The following THSD7B variants were observed in gnomAD, a reference collection of about 807,000 sequenced individuals.
THSD7B encodes the protein thrombospondin type-1 domain-containing protein 7B.
In THSD7B, 138 loss-of-function variants were observed where a neutral mutation model predicts 213.6. The observed-to-expected ratio is 0.65, with a 90% CI of 0.56 to 0.74. The LOEUF is 0.74. THSD7B is among the 30% of genes least tolerant of loss of function. The probability of loss-of-function intolerance (pLI) is 0.00; values close to 1 mark genes in which losing one functional copy is unlikely to be tolerated. For synonymous variants in THSD7B, 742 were observed against 687.0 expected (o/e 1.08, Z -1.25); for missense variants, 1,931 against 1,991.5 (o/e 0.97, Z 0.58).
At chr2:137,072,176 G>A (rs1228933795) in intron 3 of THSD7B, among the ~76,000 whole-genome samples, 2 of 152,114 alleles carry the variant, frequency 1.3e-5, no homozygotes, top group Non-Finnish European at 2.9e-5. Flanking sequence ...GGATGGCATT[G>A]AATCTATAAA....
intron 15 of THSD7B, among the ~76,000 whole-genome samples, chr2:137,469,084 A>AT (rs988422804): frequency 1.5e-4 from 23 of 152,262 alleles, no homozygotes; most frequent in Admixed American, 1.2e-3. Context: ...AAAATAGAAC[A>AT]TTTACTGGTT....
intron 15 of THSD7B, among the ~76,000 whole-genome samples, chr2:137,497,005 CA>C (rs1188931708): frequency 1.3e-5 from 2 of 152,064 alleles, no homozygotes; most frequent in African/African-American, 2.4e-5. Context: ...TTCTATTCTG[CA>C]GAGAATAGTC....
intron 2 of THSD7B, among the ~76,000 whole-genome samples, chr2:136,929,829 C>T (rs1196105579): frequency 6.6e-6 from 1 of 152,126 alleles, no homozygotes; most frequent in African/African-American, 2.4e-5. Flanking sequence ...GTTTCTGACT[C>T]CTGTGTCGCA....
chr2:137,514,206 G>GT (rs1297636725), intron 15 of THSD7B, among the ~76,000 whole-genome samples: 2 of 152,192 alleles, frequency 1.3e-5, no homozygotes, highest in Non-Finnish European at 2.9e-5. Flanking sequence ...GTTCCTGGGT[G>GT]TATCTGTGAG....
In THSD7B at chr2:137,338,513, A is replaced by G. The variant is rs867199240; in HGVS notation, c.2500+62487A>G. On this transcript the variant is annotated intron_variant, in intron 12 of 27. Coordinates refer to ENST00000409968, the MANE Select transcript of THSD7B (RefSeq NM_001316349.2). ...TAAAACATATACCTAGTGTTGATTT[A>G]CATCCGTTTAATTTTAATGCTACTT... Among the ~76,000 whole-genome samples the G allele has an allele frequency of 2.4e-4, 36 of 152,210 alleles. 1 individual carries two copies. The Middle Eastern group carries it at 0.02, about 86-fold the overall frequency.
chr2:137,203,996 A>G lies in THSD7B; in HGVS notation c.1724-27048A>G, dbSNP rs193226680. ...ATGAGTATGTGAAAGAAATATATCC[A>G]TAGACAATCTCAAGGGAAAAGGAAT... On this transcript the variant is annotated intron_variant, in intron 7 of 27. Transcript: ENST00000409968. Among the ~76,000 whole-genome samples the G allele has an allele frequency of 3.3e-3, 501 of 152,200 alleles. 3 individuals are homozygous for G. Among genetic ancestry groups the G allele is most frequent in the African/African-American group, 0.011 (465 of 41,542 alleles).
intron 2 of THSD7B, among the ~76,000 whole-genome samples, chr2:136,988,120 G>C (rs980316103): frequency 6.6e-6 from 1 of 152,164 alleles, no homozygotes; most frequent in African/African-American, 2.4e-5. Flanking sequence ...CGTCTCCCCA[G>C]TGAGATTCTT....
intron 15 of THSD7B, among the ~76,000 whole-genome samples, chr2:137,477,091 C>T (rs914019020): frequency 2.6e-5 from 4 of 152,168 alleles, no homozygotes; most frequent in Admixed American, 6.6e-5. Context: ...CAGAAGATCT[C>T]TCTAATACTG....
chr2:137,458,050 A>C (rs1371263134), intron 15 of THSD7B, among the ~76,000 whole-genome samples: 1 of 142,106 alleles, frequency 7.0e-6, no homozygotes, highest in East Asian at 2.0e-4. Context: ...TAGGAAAAAA[A>C]CAAAAAAAAA....
chr2:137,334,348 C>A (rs1435017753), intron 12 of THSD7B, among the ~76,000 whole-genome samples: 1 of 152,166 alleles, frequency 6.6e-6, no homozygotes, highest in Non-Finnish European at 1.5e-5. Flanking sequence ...TCAGCATGAA[C>A]TCCACAGGAG....
chr2:137,510,274 A>G (rs1419425834), intron 15 of THSD7B, among the ~76,000 whole-genome samples: 1 of 152,074 alleles, frequency 6.6e-6, no homozygotes, highest in Non-Finnish European at 1.5e-5. Flanking sequence ...TATTTTTTAA[A>G]AGTGATTGCT....
At chr2:137,191,424 A>G (rs1648092572) in intron 7 of THSD7B, among the ~76,000 whole-genome samples, 1 of 152,012 alleles carries the variant, frequency 6.6e-6, no homozygotes, top group African/African-American at 2.4e-5. Context: ...GGAACAAAGT[A>G]TGGGGCTTAA....
intron 1 of THSD7B, among the ~76,000 whole-genome samples, chr2:136,799,811 G>T (rs1292023918): frequency 6.6e-6 from 1 of 151,692 alleles, no homozygotes; most frequent in Non-Finnish European, 1.5e-5. Context: ...ATTCTTAAAC[G>T]CCCATTCTTA....
chr2:137,203,580 A>C (rs530502048), intron 7 of THSD7B, among the ~76,000 whole-genome samples: 44 of 152,070 alleles, frequency 2.9e-4, no homozygotes, highest in African/African-American at 9.2e-4. Flanking sequence ...AGGAAAAAAA[A>C]CCTTTTTTTA....
At chr2:137,630,136 G>A (rs569995332) in intron 20 of THSD7B, among the ~76,000 whole-genome samples, 2 of 152,178 alleles carry the variant, frequency 1.3e-5, no homozygotes, top group African/African-American at 4.8e-5. Flanking sequence ...TGGGACTACA[G>A]GCACATGCCA....
At chr2:137,623,835 A>G (rs958026413) in intron 20 of THSD7B, among the ~76,000 whole-genome samples, 4 of 152,214 alleles carry the variant, frequency 2.6e-5, no homozygotes, top group African/African-American at 7.2e-5. Flanking sequence ...AAAGAGATAC[A>G]AACAAATGGA....
chr2:136,813,453 T>C (rs954454264), intron 1 of THSD7B, among the ~76,000 whole-genome samples: 5 of 152,184 alleles, frequency 3.3e-5, no homozygotes, highest in Non-Finnish European at 7.3e-5. Flanking sequence ...CTCTTCGAGA[T>C]GACTTAAACG....
chr2:136,839,570 T>C (rs1034635353), intron 1 of THSD7B, among the ~76,000 whole-genome samples: 4 of 152,196 alleles, frequency 2.6e-5, no homozygotes, highest in African/African-American at 7.2e-5. Flanking sequence ...GAGTCTGGCA[T>C]TGACCTTCTT....
intron 12 of THSD7B, among the ~76,000 whole-genome samples, chr2:137,391,152 G>A (rs1433491831): frequency 6.6e-6 from 1 of 152,056 alleles, no homozygotes; most frequent in Non-Finnish European, 1.5e-5. Context: ...TTATTGGTCG[G>A]TTCAGGATTT....
Sources: gnomAD v4.1 joint callset for allele counts (sites outside exome capture counted in the v4.1 genomes callset) on GRCh38, gnomAD v4.1.1 for gene constraint, MANE v1.5 for transcripts, NCBI Gene and HGNC (gene_info 2026-07-23, HGNC 2026-07-21) for gene names.